Variants in PDLIM7 observed in about 807,000 individuals in gnomAD.
PDLIM7 encodes PDZ and LIM domain protein 7.
In PDLIM7, 37 loss-of-function variants were observed where a neutral mutation model predicts 53.9. That is an observed-to-expected ratio of 0.69 (90% CI 0.53 to 0.90). The LOEUF (loss-of-function observed/expected upper bound fraction) is 0.90. PDLIM7 is among the 40% of genes least tolerant of loss of function. The pLI is 0.00. For missense variants in PDLIM7, 617 were observed against 638.5 expected (o/e 0.97, Z 0.36); for synonymous variants, 300 against 261.3 (o/e 1.15, Z -1.43).
At chr5:177,495,499 A>T (rs546334298) in intron 2 of PDLIM7, among the ~76,000 whole-genome samples, 1 of 152,266 alleles carries the variant, frequency 6.6e-6, no homozygotes, top group African/African-American at 2.4e-5. Context: ...GCCAGCCGAC[A>T]GGCTGGCCTC....
chr5:177,490,599 G>A lies in PDLIM7; in HGVS notation c.572+271C>T, dbSNP rs1212779033. 3.9e-6 allele frequency: 6 copies of A among 1,548,886 alleles called. No homozygotes were observed. In the East Asian group the frequency reaches 1.5e-4, roughly 38 times the overall value. Reference sequence around the variant, plus strand: ...GCTCCAGGACATACTTTTCCCTGAGGGGCAGAGAGAGAGGGAGGAAGAAGT... The same window carrying A: ...GCTCCAGGACATACTTTTCCCTGAGAGGCAGAGAGAGAGGGAGGAAGAAGT... On this transcript the variant is annotated intron_variant, in intron 7 of 12. Transcript: ENST00000355841.
intron 5 of PDLIM7, 46 bp from the exon 6 acceptor site, chr5:177,491,192 T>C: frequency 1.7e-6 from 1 of 605,272 alleles, no homozygotes; most frequent in Non-Finnish European, 2.6e-6. Flanking sequence ...GGGTGGGCGG[T>C]GGGGGCAGCC....
At chr5:177,496,802 G>A (rs948391235) in intron 1 of PDLIM7, 3 of 242,860 alleles carry the variant, frequency 1.2e-5, no homozygotes, top group African/African-American at 4.5e-5. Flanking sequence ...CCAGGGGTGG[G>A]CCGAGGGACT....
In PDLIM7 at chr5:177,492,445, A is replaced by T. The variant is rs1309298780; in HGVS notation, c.249-10T>A. On this transcript the variant is annotated splice_polypyrimidine_tract_variant and intron_variant, in intron 3 of 12. Coordinates refer to ENST00000355841, the MANE Select transcript of PDLIM7 (RefSeq NM_005451.5). ...CTGAACCGGCTGGGCCCTGGAGGAG[A>T]AGGAAAGCGTGACAGCGGGCCGGGC... The T allele has an allele frequency of 2.5e-6, 4 of 1,613,370 alleles. No individual in the cohort carries two copies. In the Admixed American group the frequency reaches 6.7e-5, roughly 27 times the overall value.
chr5:177,491,258 A>C, intron 5 of PDLIM7, 112 bp from the exon 6 acceptor site: 1 of 1,436,280 alleles, frequency 7.0e-7, no homozygotes, highest in Non-Finnish European at 9.6e-7. Flanking sequence ...GGGAGTGGGT[A>C]AGGGTGAGGC....
rs1758655105 is a variant in PDLIM7, at chr5:177,489,826, C to T, written c.579G>A (p.Val193=). The T allele has an allele frequency of 2.5e-6, 4 of 1,585,952 alleles. No homozygotes were observed. Among genetic ancestry groups the T allele is most frequent in the Non-Finnish European group, 3.4e-6 (4 of 1,167,728 alleles). ...CTGGGGCTGGGGCTTCTGTCCTGGG[C>T]ACCTGGCTGCAAGATCTGCCATTCA... ...DEEHLKKSSQ[V]PRTEAPAPAS... The change falls in exon 8 of 13, where the codon GTG becomes GTA. Residue 193 remains valine, a synonymous_variant. Transcript: ENST00000355841.
In PDLIM7 at chr5:177,489,647, TA is replaced by T; in HGVS notation, c.635-21del. 6.4e-7 allele frequency: 1 copy of T among 1,555,684 alleles called. No homozygotes were observed. The highest frequency in any genetic ancestry group is 8.7e-7 in the Non-Finnish European group (1 of 1,153,352). On this transcript the variant is annotated intron_variant, in intron 8 of 12. Transcript: ENST00000355841. ...TAGGGCCTGCCGGGGAAAGTGACTCTAAAGGGGTGCCCAGGGACCCCAAAGG... is the reference window on the plus strand; with the variant it reads ...TAGGGCCTGCCGGGGAAAGTGACTCTAAGGGGTGCCCAGGGACCCCAAAGG...
intron 7 of PDLIM7, chr5:177,490,191 C>T: frequency 6.9e-7 from 1 of 1,443,602 alleles, no homozygotes; most frequent in Non-Finnish European, 9.1e-7. Flanking sequence ...CACGAAACAC[C>T]CCCACACCCC....
At chr5:177,496,193 A>G (rs920517908) in intron 2 of PDLIM7, among the ~76,000 whole-genome samples, 1 of 152,214 alleles carries the variant, frequency 6.6e-6, no homozygotes, top group Non-Finnish European at 1.5e-5. Flanking sequence ...TTGGGAGAAC[A>G]GCATCGGGTA....
chr5:177,486,304 A>G lies in PDLIM7; in HGVS notation c.1050+1764T>C, dbSNP rs550595115. Among the ~76,000 whole-genome samples the G allele has an allele frequency of 2.4e-4, 36 of 152,300 alleles. 1 individual carries two copies. The highest frequency in any genetic ancestry group is 7.9e-4 in the African/African-American group (33 of 41,560). ...CAAGCAAGACATAAGTGTGGGGGAC[A>G]TGTAGCCTTCGGATGGTGCATTTCT... On this transcript the variant is annotated intron_variant, in intron 10 of 12. Transcript: ENST00000355841.
intron 9 of PDLIM7, among the ~76,000 whole-genome samples, chr5:177,489,046 T>C (rs1758604806): frequency 1.3e-5 from 2 of 152,246 alleles, no homozygotes; most frequent in Admixed American, 6.5e-5. Context: ...CTGTATGCTC[T>C]GAGAGCAGAG....
intron 2 of PDLIM7, 22 bp downstream of exon 2, chr5:177,496,392 GCCC>G: frequency 6.6e-7 from 1 of 1,516,050 alleles, no homozygotes. Context: ...CGCTGGGGGA[GCCC>G]CCTCCCCAAA....
At chr5:177,493,990 G>C (rs541282741) in intron 2 of PDLIM7, among the ~76,000 whole-genome samples, 1 of 152,316 alleles carries the variant, frequency 6.6e-6, no homozygotes, top group African/African-American at 2.4e-5. Context: ...AAAGAAAGGC[G>C]AGCTGGGCTC....
At chr5:177,487,977 T>A in intron 10 of PDLIM7, 91 bp downstream of exon 10, 1 of 1,319,620 alleles carries the variant, frequency 7.6e-7, no homozygotes, top group Non-Finnish European at 1.0e-6. Context: ...GAGGGCTCAC[T>A]CGGGGAGAGA....
chr5:177,497,382 A>AGGCGGGGGCGGG (rs915647817), intron 1 of PDLIM7, 146 bp downstream of exon 1: 2 of 151,950 alleles, frequency 1.3e-5, no homozygotes, highest in African/African-American at 2.4e-5. Context: ...AGCGGCAGGA[A>AGGCGGGGGCGGG]GGCGGGGGCG....
chr5:177,492,288 T>C, intron 4 of PDLIM7, 117 bp downstream of exon 4: 1 of 1,349,198 alleles, frequency 7.4e-7, no homozygotes, highest in Non-Finnish European at 1.0e-6. Context: ...AGCTCCGGTT[T>C]CTGCCCTCCA....
chr5:177,490,974 C>T (rs1758742142), intron 6 of PDLIM7, 36 bp downstream of exon 6: 5 of 1,613,694 alleles, frequency 3.1e-6, no homozygotes, highest in East Asian at 2.2e-5. Flanking sequence ...GGGCTGGGGG[C>T]GAGGAAAGTA....
intron 10 of PDLIM7, chr5:177,487,858 C>T: frequency 2.3e-6 from 1 of 440,718 alleles, no homozygotes; most frequent in Non-Finnish European, 3.9e-6. Flanking sequence ...CTGCTCTTTG[C>T]AGCCTTGGGC....
intron 2 of PDLIM7, among the ~76,000 whole-genome samples, chr5:177,494,222 C>A (rs1282521431): frequency 1.3e-5 from 2 of 152,208 alleles, no homozygotes; most frequent in Non-Finnish European, 1.5e-5. Context: ...TCAAGTCACC[C>A]AGCTAGTAAG....
Sources: gnomAD v4.1 joint callset for allele counts (sites outside exome capture counted in the v4.1 genomes callset) on GRCh38, gnomAD v4.1.1 for gene constraint, MANE v1.5 for transcripts, NCBI Gene and HGNC (gene_info 2026-07-23, HGNC 2026-07-21) for gene names.